CTBP2: variants seen among roughly 807,000 people sequenced by gnomAD.
CTBP2 encodes the protein C-terminal binding protein 2.
A neutral mutation model predicts 80.3 loss-of-function variants in CTBP2; 30 were observed. The observed-to-expected ratio is 0.37, with a 90% CI of 0.28 to 0.51. CTBP2 has a LOEUF of 0.51. Among genes scored for constraint, CTBP2 ranks in the 20% least tolerant of loss-of-function variants. CTBP2 has a pLI of 0.93. For synonymous variants in CTBP2, 594 were observed against 587.4 expected (o/e 1.01, Z -0.16); for missense variants, 1,212 against 1,375.3 (o/e 0.88, Z 1.88).
At chr10:125,145,133 T>G (rs961800539) in intron 1 of CTBP2, among the ~76,000 whole-genome samples, 2 of 152,246 alleles carry the variant, frequency 1.3e-5, no homozygotes, top group East Asian at 1.9e-4. Flanking sequence ...CCATTTTTCA[T>G]GCCAAATGTT....
intron 1 of CTBP2, among the ~76,000 whole-genome samples, chr10:125,142,163 T>C (rs554731717): frequency 6.6e-6 from 1 of 152,258 alleles, no homozygotes; most frequent in South Asian, 2.1e-4. Context: ...AGGAGGTGGT[T>C]ATCTGCTGGT....
chr10:125,118,791 C>T (rs886738693), intron 1 of CTBP2, among the ~76,000 whole-genome samples: 3 of 152,192 alleles, frequency 2.0e-5, no homozygotes, highest in African/African-American at 4.8e-5. Context: ...CTGAGGTCCC[C>T]GCAAAGGCGC....
chr10:125,125,817 G>A (rs1855142872), intron 1 of CTBP2, among the ~76,000 whole-genome samples: 1 of 152,216 alleles, frequency 6.6e-6, no homozygotes, highest in South Asian at 2.1e-4. Context: ...GGCTAAGAAA[G>A]GGAGCCATAG....
At chr10:125,072,381 A>G (rs1845615990) in intron 2 of CTBP2, among the ~76,000 whole-genome samples, 1 of 152,026 alleles carries the variant, frequency 6.6e-6, no homozygotes, top group African/African-American at 2.4e-5. Context: ...TTGAGAGGCC[A>G]AGGTGGGTGA....
intron 1 of CTBP2, chr10:125,005,877 G>A: frequency 6.5e-7 from 1 of 1,543,502 alleles, no homozygotes; most frequent in Non-Finnish European, 8.7e-7. Context: ...TGGCAGGATG[G>A]TTATCGGAGA....
intron 2 of CTBP2, among the ~76,000 whole-genome samples, chr10:125,067,883 T>C (rs1052735514): frequency 2.6e-5 from 4 of 152,196 alleles, no homozygotes; most frequent in Non-Finnish European, 5.9e-5. Context: ...GTGCAGTGTC[T>C]GCCCAAGAAG....
intron 2 of CTBP2, among the ~76,000 whole-genome samples, chr10:125,076,350 G>C (rs148632578): frequency 0.017 from 2,607 of 152,316 alleles, 33 homozygotes; most frequent in Non-Finnish European, 0.025. Context: ...CACTTTGGGA[G>C]CACGGCCATC....
At position 125,141,689 on chromosome 10, in the gene CTBP2, C is replaced by G. The variant is rs377304546; in HGVS notation, c.-206+18630G>C. On this transcript the variant is annotated intron_variant, in intron 1 of 10. Transcript: ENST00000337195. ...ACACAGCAGGTACACAGCGAGCACA[C>G]AGTAAGCACACGGTAAACACTCAGC... 9.2e-5 allele frequency among the ~76,000 whole-genome samples: 14 copies of G among 152,172 alleles called. No homozygotes were observed. The South Asian group carries it at 1.5e-3, about 16-fold the overall frequency.
upstream of CTBP2, among the ~76,000 whole-genome samples, chr10:125,032,627 C>T (rs991935172): frequency 2.0e-5 from 3 of 152,356 alleles, no homozygotes; most frequent in East Asian, 1.9e-4. Flanking sequence ...CCCTGACCTG[C>T]GGAGCGGAGC....
chr10:125,051,707 C>T (rs1962817884), intron 2 of CTBP2, among the ~76,000 whole-genome samples: 1 of 151,600 alleles, frequency 6.6e-6, no homozygotes, highest in Non-Finnish European at 1.5e-5. Flanking sequence ...ACAGGTCACA[C>T]ACTGACTGTT....
chr10:125,053,152 G>T (rs986778918), intron 2 of CTBP2, among the ~76,000 whole-genome samples: 2 of 152,144 alleles, frequency 1.3e-5, no homozygotes, highest in Non-Finnish European at 2.9e-5. Flanking sequence ...GAATCCACGG[G>T]GCCACCGAAG....
intron 3 of CTBP2, among the ~76,000 whole-genome samples, chr10:125,035,580 A>C (rs1958770113): frequency 2.6e-5 from 4 of 152,224 alleles, no homozygotes; most frequent in African/African-American, 9.6e-5. Flanking sequence ...AATCCACAAG[A>C]AGCAGCTCTA....
At chr10:125,076,387 C>T (rs1304737156) in intron 2 of CTBP2, among the ~76,000 whole-genome samples, 3 of 152,184 alleles carry the variant, frequency 2.0e-5, no homozygotes, top group East Asian at 3.9e-4. Flanking sequence ...CCCCTACACA[C>T]CATGGGAGGC....
At position 125,003,496 on chromosome 10, in the gene CTBP2, C is replaced by A. The variant is rs764902490; in HGVS notation, c.1679-4G>T. 3 of 1,554,924 alleles carry A rather than the reference C, an allele frequency of 1.9e-6. No individual in the cohort carries two copies. The African/African-American group carries it at 4.2e-5, about 22-fold the overall frequency. On this transcript the variant is annotated splice_region_variant and splice_polypyrimidine_tract_variant and intron_variant, in intron 1 of 8. Transcript: ENST00000309035. ...TTCATGATCTGGGGGCGGATACCTG[C>A]CAGGAGGGAAGGGGTGAGCACAGTG...
intron 2 of CTBP2, among the ~76,000 whole-genome samples, chr10:125,071,216 C>T (rs1229141429): frequency 2.0e-5 from 3 of 152,236 alleles, no homozygotes; most frequent in Non-Finnish European, 4.4e-5. Context: ...GGCAGGCTCC[C>T]TGCTCTGGGA....
At chr10:125,065,727 C>T (rs1590467570) in intron 2 of CTBP2, among the ~76,000 whole-genome samples, 1 of 152,284 alleles carries the variant, frequency 6.6e-6, no homozygotes, top group East Asian at 1.9e-4. Context: ...TACATCCATT[C>T]GTGCTCCATA....
chr10:124,989,849 A>G (rs901820924), intron 8 of CTBP2, 151 bp from the exon 11 acceptor site: 1 of 655,738 alleles, frequency 1.5e-6, no homozygotes, highest in African/African-American at 1.9e-5. Flanking sequence ...AAGTGATCCC[A>G]CCTCAGACAC....
At chr10:125,088,831 A>G (rs1297469647) in intron 2 of CTBP2, among the ~76,000 whole-genome samples, 1 of 152,228 alleles carries the variant, frequency 6.6e-6, no homozygotes, top group Non-Finnish European at 1.5e-5. Flanking sequence ...GAACTGCACC[A>G]AATTCGGAGA....
At chr10:125,055,529 G>A (rs1453796646) in intron 2 of CTBP2, among the ~76,000 whole-genome samples, 1 of 152,096 alleles carries the variant, frequency 6.6e-6, no homozygotes, top group South Asian at 2.1e-4. Context: ...TATGTCCTTA[G>A]GACCCCGATG....
Sources: gnomAD v4.1 joint callset for allele counts (sites outside exome capture counted in the v4.1 genomes callset) on GRCh38, gnomAD v4.1.1 for gene constraint, MANE v1.5 for transcripts, NCBI Gene and HGNC (gene_info 2026-07-23, HGNC 2026-07-21) for gene names.